Variants in FSTL5 observed in about 807,000 individuals in gnomAD.
FSTL5 encodes follistatin like 5.
In FSTL5, 62 loss-of-function variants were observed where a neutral mutation model predicts 89.1. That is an observed-to-expected ratio of 0.70 (90% CI 0.57 to 0.86). The LOEUF is 0.86. FSTL5 is among the 40% of genes least tolerant of loss of function. The pLI is 0.00. For missense variants in FSTL5, 1,057 were observed against 1,001.6 expected (o/e 1.06, Z -0.75); for synonymous variants, 383 against 346.2 (o/e 1.11, Z -1.18).
At chr4:162,162,152 G>C (rs924429746) in intron 1 of FSTL5, among the ~76,000 whole-genome samples, 1 of 151,934 alleles carries the variant, frequency 6.6e-6, no homozygotes, top group Admixed American at 6.6e-5. Flanking sequence ...CTCTCTTGTA[G>C]GGCTGTGTAG....
At chr4:162,121,766 G>A (rs1731872966) in intron 1 of FSTL5, among the ~76,000 whole-genome samples, 1 of 151,944 alleles carries the variant, frequency 6.6e-6, no homozygotes, top group South Asian at 2.1e-4. Context: ...GAATTGCACG[G>A]TTCCATTTAT....
intron 13 of FSTL5, among the ~76,000 whole-genome samples, chr4:161,463,981 T>A (rs1473862120): frequency 2.0e-5 from 3 of 152,182 alleles, no homozygotes; most frequent in East Asian, 3.8e-4. Context: ...TCTCATAAAT[T>A]TGTCTGAGTG....
chr4:161,878,010 T>A (rs1452232232), intron 4 of FSTL5, among the ~76,000 whole-genome samples: 2 of 151,916 alleles, frequency 1.3e-5, no homozygotes, highest in East Asian at 3.9e-4. Flanking sequence ...TTTTTACTTA[T>A]ATAGATTTAC....
chr4:161,503,603 G>C (rs1196302723), intron 11 of FSTL5, among the ~76,000 whole-genome samples: 1 of 151,942 alleles, frequency 6.6e-6, no homozygotes, highest in Admixed American at 6.6e-5. Context: ...ATTAGTGTGT[G>C]AAGTTAATAA....
intron 1 of FSTL5, among the ~76,000 whole-genome samples, chr4:162,128,183 A>AGTAGT (rs1732158387): frequency 6.6e-6 from 1 of 152,208 alleles, no homozygotes; most frequent in Non-Finnish European, 1.5e-5. Flanking sequence ...GTATATAACT[A>AGTAGT]ATTACTTCTA....
intron 6 of FSTL5, among the ~76,000 whole-genome samples, chr4:161,706,103 T>C (rs983671079): frequency 3.3e-5 from 5 of 149,430 alleles, no homozygotes; most frequent in Non-Finnish European, 7.4e-5. Flanking sequence ...TGAGTTTAAT[T>C]TGGATACAAA....
At chr4:161,793,261 C>A (rs1456127835) in intron 4 of FSTL5, among the ~76,000 whole-genome samples, 1 of 152,164 alleles carries the variant, frequency 6.6e-6, no homozygotes, top group Non-Finnish European at 1.5e-5. Flanking sequence ...TCACCCTTGG[C>A]AGGTATGGGA....
intron 3 of FSTL5, among the ~76,000 whole-genome samples, chr4:161,927,951 C>T (rs1323613784): frequency 6.6e-6 from 1 of 151,644 alleles, no homozygotes; most frequent in Non-Finnish European, 1.5e-5. Flanking sequence ...ACCTTCCCCA[C>T]CATTAACACC....
chr4:161,664,597 G>A (rs1736822262), intron 6 of FSTL5, among the ~76,000 whole-genome samples: 1 of 152,112 alleles, frequency 6.6e-6, no homozygotes, highest in Admixed American at 6.5e-5. Context: ...AAGTCTCTAG[G>A]AGGTTCCAAA....
chr4:161,938,480 A>G (rs1161049036), intron 3 of FSTL5, among the ~76,000 whole-genome samples: 1 of 152,126 alleles, frequency 6.6e-6, no homozygotes, highest in African/African-American at 2.4e-5. Context: ...TGATTCTTTT[A>G]AAATACCATA....
chr4:161,744,811 A>T (rs1232339287), intron 6 of FSTL5, among the ~76,000 whole-genome samples: 6 of 152,116 alleles, frequency 3.9e-5, no homozygotes, highest in Non-Finnish European at 8.8e-5. Flanking sequence ...CAATTTCCTA[A>T]TTGATATTTT....
chr4:161,527,990 T>C (rs1433090784), intron 10 of FSTL5, among the ~76,000 whole-genome samples: 1 of 150,886 alleles, frequency 6.6e-6, no homozygotes, highest in East Asian at 1.9e-4. Context: ...TTCATGTCCT[T>C]TGTAGGGACA....
chr4:161,732,561 C>G (rs1739650605), intron 6 of FSTL5, among the ~76,000 whole-genome samples: 1 of 151,910 alleles, frequency 6.6e-6, no homozygotes, highest in African/African-American at 2.4e-5. Context: ...ATTAAGAATG[C>G]TTAGCCAAAA....
intron 7 of FSTL5, among the ~76,000 whole-genome samples, chr4:161,620,546 C>G (rs950105987): frequency 9.9e-5 from 15 of 152,046 alleles, no homozygotes; most frequent in African/African-American, 2.9e-4. Flanking sequence ...ATCCCAGCTA[C>G]TCGGGAAGCT....
Position 161,475,375 on chromosome 4 carries a change from C to T in FSTL5, c.1608+5645G>A, listed in dbSNP as rs113395731. Among the ~76,000 whole-genome samples the T allele has an allele frequency of 1.7e-3, 257 of 152,190 alleles. 3 individuals carry two copies. Among genetic ancestry groups the T allele is most frequent in the African/African-American group, 5.7e-3 (237 of 41,524 alleles). On this transcript the variant is annotated intron_variant, in intron 13 of 15. Transcript: ENST00000306100. ...CTCTCTCTTCTCCTTCTGGGACTGC[C>T]GCAGTGCATATGTTGGTACACTTGA...
At chr4:161,626,518 A>G (rs1735322032) in intron 7 of FSTL5, among the ~76,000 whole-genome samples, 1 of 152,170 alleles carries the variant, frequency 6.6e-6, no homozygotes, top group South Asian at 2.1e-4. Flanking sequence ...ATTACTTCTC[A>G]TTGACAACGC....
At chr4:161,685,639 T>G (rs1302393730) in intron 6 of FSTL5, among the ~76,000 whole-genome samples, 5 of 152,232 alleles carry the variant, frequency 3.3e-5, no homozygotes, top group Non-Finnish European at 7.3e-5. Flanking sequence ...TGAATTCTTT[T>G]GTCAGTTCTA....
At chr4:161,389,276 T>C (rs893927259) in intron 15 of FSTL5, among the ~76,000 whole-genome samples, 1 of 152,132 alleles carries the variant, frequency 6.6e-6, no homozygotes, top group Admixed American at 6.6e-5. Flanking sequence ...GTACAGAAAG[T>C]TGCAGACTGA....
At chr4:161,562,955 C>T (rs981340653) in intron 8 of FSTL5, among the ~76,000 whole-genome samples, 3 of 151,970 alleles carry the variant, frequency 2.0e-5, no homozygotes, top group African/African-American at 4.8e-5. Flanking sequence ...CAGGTTCATA[C>T]ATGTTGTAGC....
Sources: gnomAD v4.1 joint callset for allele counts (sites outside exome capture counted in the v4.1 genomes callset) on GRCh38, gnomAD v4.1.1 for gene constraint, MANE v1.5 for transcripts, NCBI Gene and HGNC (gene_info 2026-07-23, HGNC 2026-07-21) for gene names.